CTTN: variants seen among roughly 807,000 people sequenced by gnomAD.
CTTN encodes the protein src substrate cortactin.
CTTN carries 28 observed loss-of-function variants against 84.0 expected under a neutral mutation model. That is an observed-to-expected ratio of 0.33 (90% CI 0.25 to 0.46). CTTN has a LOEUF of 0.46. Among genes scored for constraint, CTTN ranks in the 20% least tolerant of loss-of-function variants. The probability of loss-of-function intolerance (pLI) is 1.00; values close to 1 mark genes in which losing one functional copy is unlikely to be tolerated. For synonymous variants in CTTN, 301 were observed against 288.8 expected, an observed-to-expected ratio of 1.04 and a Z score of -0.43; for missense variants, 641 against 723.8, an observed-to-expected ratio of 0.89 and a Z score of 1.31.
At chr11:70,402,152 A>G (rs1219919459) in intron 1 of CTTN, among the ~76,000 whole-genome samples, 2 of 152,122 alleles carry the variant, frequency 1.3e-5, no homozygotes, top group African/African-American at 4.8e-5. Flanking sequence ...GACTGTCTGA[A>G]AAAGAAAAAA....
intron 4 of CTTN, chr11:70,408,146 G>C (rs1426167135): frequency 6.6e-6 from 1 of 152,122 alleles, no homozygotes; most frequent in African/African-American, 2.4e-5. Flanking sequence ...TTTTTCGTCA[G>C]AAAGTGTAGA....
Position 70,411,732 on chromosome 11 carries a change from C to G in CTTN, c.291+1772C>G, listed in dbSNP as rs2058098583. ...ATCTCGCTCACCCTAGAACCTGCAG[C>G]TCAGGCCTTCCCGAGTGCCAGGAGC... On this transcript the variant is annotated intron_variant, in intron 5 of 17. Transcript: ENST00000301843. 2.0e-5 allele frequency among the ~76,000 whole-genome samples: 3 copies of G among 152,320 alleles called. No homozygotes were observed. The South Asian group carries it at 6.2e-4, about 32-fold the overall frequency.
intron 1 of CTTN, among the ~76,000 whole-genome samples, chr11:70,401,516 C>T (rs2057980816): frequency 6.6e-6 from 1 of 150,628 alleles, no homozygotes; most frequent in South Asian, 2.1e-4. Flanking sequence ...GGTGTAGTGA[C>T]AGGTGCCTGT....
Position 70,435,254 on chromosome 11 carries a change from T to G in CTTN, c.*92T>G, listed in dbSNP as rs1228029674. 1.5e-5 allele frequency: 3 copies of G among 196,686 alleles called. No individual in the cohort carries two copies. The highest frequency in any genetic ancestry group is 2.0e-5 in the Non-Finnish European group (3 of 151,550). The allele number at this position is 196,686 out of a possible 1,614,324, so 12.2% of individuals were successfully genotyped here. ...CTTGGGTGGTTTTGGGTTTTTTCTGTTTTTTTTTTTTTTTTTTTTTTTTTG... is the reference window on the plus strand; with the variant it reads ...CTTGGGTGGTTTTGGGTTTTTTCTGGTTTTTTTTTTTTTTTTTTTTTTTTG... On this transcript the variant is annotated 3_prime_UTR_variant, in exon 18 of 18. Coordinates refer to ENST00000301843, the MANE Select transcript of CTTN (RefSeq NM_005231.4).
chr11:70,419,146 T>G (rs191578855), intron 8 of CTTN, among the ~76,000 whole-genome samples: 3,637 of 149,504 alleles, frequency 0.024, 143 homozygotes, highest in African/African-American at 0.079. Flanking sequence ...GTTTCACTCT[T>G]GTTGCTCAGG....
intron 1 of CTTN, 50 bp downstream of exon 1, chr11:70,398,664 C>T (rs972961769): frequency 1.2e-4 from 19 of 152,220 alleles, no homozygotes; most frequent in Non-Finnish European, 2.2e-4. Flanking sequence ...TCTGCTTCTT[C>T]CCTCCTGTGG....
chr11:70,433,051 T>G, intron 15 of CTTN, 50 bp from the exon 16 acceptor site: 1 of 1,579,802 alleles, frequency 6.3e-7, no homozygotes, highest in Non-Finnish European at 8.6e-7. Context: ...GCTACTGCTC[T>G]CTAGAAGCCA....
At position 70,433,867 on chromosome 11, in the gene CTTN, A is replaced by G. The variant is rs1221229257; in HGVS notation, c.1516+149A>G. ...TCAGAGATATAGAAAAGTTGCAGGT[A>G]TAGTGCCAAGAACTCCCATGTTCCC... On this transcript the variant is annotated intron_variant, in intron 17 of 17. Coordinates refer to ENST00000301843, the MANE Select transcript of CTTN (RefSeq NM_005231.4). 10 of 643,958 alleles carry G rather than the reference A, an allele frequency of 1.6e-5. No homozygotes were observed. The East Asian group carries it at 2.6e-4, about 17-fold the overall frequency. The allele number at this position is 643,958 out of a possible 1,614,324, so 39.9% of individuals were successfully genotyped here. A position where few individuals can be genotyped will look rare whatever the true frequency, so the allele number is the denominator to read the frequency against.
At chr11:70,425,593 T>C (rs2058291835) in intron 13 of CTTN, among the ~76,000 whole-genome samples, 192 bp downstream of exon 13, 1 of 152,240 alleles carries the variant, frequency 6.6e-6, no homozygotes, top group Non-Finnish European at 1.5e-5. Flanking sequence ...GAGTCACCTT[T>C]TAGACGCAGC....
At chr11:70,405,120 C>T (rs987104366) in intron 1 of CTTN, 145 bp from the exon 2 acceptor site, 1 of 152,220 alleles carries the variant, frequency 6.6e-6, no homozygotes, top group African/African-American at 2.4e-5. Flanking sequence ...GTCTTCCCAT[C>T]CTCCTCTCAG....
intron 1 of CTTN, among the ~76,000 whole-genome samples, chr11:70,404,832 G>A (rs756999176): frequency 2.0e-5 from 3 of 152,132 alleles, no homozygotes; most frequent in African/African-American, 4.8e-5. Flanking sequence ...GAGAAAACCC[G>A]TCTGTACTAA....
At chr11:70,425,086 A>G (rs1165173441) in intron 12 of CTTN, among the ~76,000 whole-genome samples, 2 of 152,180 alleles carry the variant, frequency 1.3e-5, no homozygotes, top group Non-Finnish European at 2.9e-5. Flanking sequence ...GGTTTGTGGT[A>G]GAGCAGATGG....
chr11:70,401,887 G>A (rs370772316), intron 1 of CTTN, among the ~76,000 whole-genome samples: 44 of 151,814 alleles, frequency 2.9e-4, no homozygotes, highest in African/African-American at 9.2e-4. Flanking sequence ...GCGGTGGTTC[G>A]TGCCTGTAAT....
At position 70,421,063 on chromosome 11, in the gene CTTN, C is replaced by T. The variant is rs557904608; in HGVS notation, c.791-407C>T. Among the ~76,000 whole-genome samples the T allele has an allele frequency of 4.8e-3, 734 of 152,360 alleles. 5 individuals carry two copies. The highest frequency in any genetic ancestry group is 0.017 in the African/African-American group (710 of 41,588). On this transcript the variant is annotated intron_variant, in intron 10 of 17. Coordinates refer to ENST00000301843, the MANE Select transcript of CTTN (RefSeq NM_005231.4). ...GGGCTGAAAGCCTCTCAGTGTGACCCAGCCCTGAGAGAAGCAGGAGCGGGG... is the reference window on the plus strand; with the variant it reads ...GGGCTGAAAGCCTCTCAGTGTGACCTAGCCCTGAGAGAAGCAGGAGCGGGG...
chr11:70,433,391 G>A, intron 16 of CTTN, 113 bp downstream of exon 16: 1 of 1,136,094 alleles, frequency 8.8e-7, no homozygotes, highest in Non-Finnish European at 1.2e-6. Flanking sequence ...ACACGCCTTT[G>A]CTTGCTTGCT....
At chr11:70,424,051 G>A (rs1386433441) in intron 12 of CTTN, among the ~76,000 whole-genome samples, 2 of 152,170 alleles carry the variant, frequency 1.3e-5, no homozygotes, top group Non-Finnish European at 2.9e-5. Context: ...GGCCAACTGT[G>A]GAGCCGAAGA....
At chr11:70,425,037 G>T (rs943216275) in intron 12 of CTTN, among the ~76,000 whole-genome samples, 1 of 152,202 alleles carries the variant, frequency 6.6e-6, no homozygotes, top group Non-Finnish European at 1.5e-5. Flanking sequence ...TCTGGGTGGC[G>T]ACGGAGGGTG....
intron 2 of CTTN, among the ~76,000 whole-genome samples, chr11:70,406,567 T>C (rs2058043046): frequency 6.6e-6 from 1 of 152,034 alleles, no homozygotes; most frequent in African/African-American, 2.4e-5. Flanking sequence ...CCACTGCAGT[T>C]ACAAGAATTG....
rs34053053 is a variant in CTTN at position 70,414,492 on chromosome 11, C to A, written c.292-50C>A. On this transcript the variant is annotated intron_variant, in intron 5 of 17. Coordinates refer to ENST00000301843, the MANE Select transcript of CTTN (RefSeq NM_005231.4). The stretch of plus-strand genomic sequence containing the variant: ...AGCCCTGCTCTGGGAGGAAGTGAAG[C>A]GCCGCAGTGTTGTTGGTGTCTAATG... The A allele has an allele frequency of 2.2e-6, 3 of 1,352,012 alleles. No individual in the cohort carries two copies. The African/African-American group carries it at 4.3e-5, about 19-fold the overall frequency. The allele number at this position is 1,352,012 out of a possible 1,614,324, so 83.8% of individuals were successfully genotyped here.
Sources: allele counts gnomAD v4.1 joint callset (sites outside exome capture counted in the v4.1 genomes callset), GRCh38; gene constraint gnomAD v4.1.1; transcripts MANE v1.5; gene names NCBI Gene and HGNC (gene_info 2026-07-23, HGNC 2026-07-21).